The following DPYD variants were observed in gnomAD, a reference collection of about 807,000 sequenced individuals.
DPYD encodes the protein dihydropyrimidine dehydrogenase.
DPYD carries 109 observed loss-of-function variants against 116.2 expected under a neutral mutation model. That is an observed-to-expected ratio of 0.94 (90% CI 0.80 to 1.10). DPYD has a LOEUF of 1.10. Ranked by LOEUF, DPYD falls within the 50% of genes least tolerant of loss-of-function variation. The pLI is 0.00. For synonymous variants in DPYD, 440 were observed against 432.0 expected, an observed-to-expected ratio of 1.02 and a Z score of -0.23; for missense variants, 1,302 against 1,254.5, an observed-to-expected ratio of 1.04 and a Z score of -0.57.
At chr1:97,416,261 T>G (rs1362756799) in intron 14 of DPYD, among the ~76,000 whole-genome samples, 2 of 152,204 alleles carry the variant, frequency 1.3e-5, no homozygotes, top group Non-Finnish European at 2.9e-5. Flanking sequence ...CAACAAGGAA[T>G]AAATTCACAT....
At chr1:97,318,890 A>C (rs1260584423) in intron 16 of DPYD, among the ~76,000 whole-genome samples, 48 of 149,068 alleles carry the variant, frequency 3.2e-4, no homozygotes, top group Non-Finnish European at 4.0e-4. Flanking sequence ...TCTCTCAGAC[A>C]ACAGTGCAAT....
intron 12 of DPYD, among the ~76,000 whole-genome samples, chr1:97,549,077 T>G (rs570860667): frequency 7.4e-4 from 112 of 152,112 alleles, no homozygotes; most frequent in African/African-American, 2.6e-3. Flanking sequence ...TCTTATTTTT[T>G]TTTTTTGAGA....
intron 8 of DPYD, among the ~76,000 whole-genome samples, chr1:97,633,011 T>A (rs1229653873): frequency 6.6e-6 from 1 of 152,184 alleles, no homozygotes; most frequent in African/African-American, 2.4e-5. Context: ...ACAAAAAAAA[T>A]GGGGCATACT....
At chr1:97,759,152 T>A (rs1571312048) in intron 3 of DPYD, among the ~76,000 whole-genome samples, 1 of 152,174 alleles carries the variant, frequency 6.6e-6, no homozygotes, top group South Asian at 2.1e-4. Context: ...TTTTGCTTAC[T>A]TGCTGCCCAG....
intron 21 of DPYD, among the ~76,000 whole-genome samples, chr1:97,097,007 T>C (rs1570447963): frequency 6.6e-6 from 1 of 152,130 alleles, no homozygotes; most frequent in South Asian, 2.1e-4. Flanking sequence ...CTCCAAATCA[T>C]ATAGTAGTCA....
chr1:97,884,877 AT>A (rs1227136241), intron 1 of DPYD, among the ~76,000 whole-genome samples: 3 of 152,036 alleles, frequency 2.0e-5, no homozygotes, highest in Non-Finnish European at 4.4e-5. Context: ...CATAAATATA[AT>A]TTTTAATTCC....
intron 6 of DPYD, among the ~76,000 whole-genome samples, chr1:97,694,597 T>C (rs545465366): frequency 6.6e-6 from 1 of 152,256 alleles, no homozygotes; most frequent in African/African-American, 2.4e-5. Context: ...GGTTCTTGCA[T>C]CCCAACACTG....
intron 3 of DPYD, among the ~76,000 whole-genome samples, chr1:97,788,263 A>G (rs1416813047): frequency 6.6e-6 from 1 of 152,164 alleles, no homozygotes; most frequent in African/African-American, 2.4e-5. Flanking sequence ...GGCAGAAGTG[A>G]TGCTGCACCA....
chr1:97,283,130 G>C (rs1665435271), intron 18 of DPYD, among the ~76,000 whole-genome samples: 1 of 151,880 alleles, frequency 6.6e-6, no homozygotes, highest in South Asian at 2.1e-4. Context: ...TAAAATTTTA[G>C]TCTACTATTT....
intron 20 of DPYD, among the ~76,000 whole-genome samples, chr1:97,112,850 A>G (rs1651702581): frequency 6.6e-6 from 1 of 152,196 alleles, no homozygotes; most frequent in Non-Finnish European, 1.5e-5. Flanking sequence ...AACTTAGAGC[A>G]TTTAAACAAA....
At chr1:97,549,945 C>T (rs1284461196) in intron 11 of DPYD, among the ~76,000 whole-genome samples, 11 of 152,170 alleles carry the variant, frequency 7.2e-5, no homozygotes. Flanking sequence ...TAACTTTACA[C>T]CTCACATACA....
chr1:97,842,816 G>T (rs1670102522), intron 2 of DPYD, among the ~76,000 whole-genome samples: 1 of 151,978 alleles, frequency 6.6e-6, no homozygotes, highest in Non-Finnish European at 1.5e-5. Flanking sequence ...TTGTTTAAAA[G>T]ATCTCTAAAA....
chr1:97,584,737 G>A (rs1356853093), intron 10 of DPYD, among the ~76,000 whole-genome samples: 1 of 144,006 alleles, frequency 6.9e-6, no homozygotes, highest in African/African-American at 2.6e-5. Context: ...TTCATAGGTG[G>A]GAATTGAACA....
At chr1:97,134,362 A>G (rs911943104) in intron 20 of DPYD, among the ~76,000 whole-genome samples, 2 of 152,044 alleles carry the variant, frequency 1.3e-5, no homozygotes, top group African/African-American at 2.4e-5. Context: ...GTATTCTCAC[A>G]TCGTATGTAT....
intron 14 of DPYD, among the ~76,000 whole-genome samples, chr1:97,433,029 C>G (rs915392088): frequency 6.6e-6 from 1 of 152,154 alleles, no homozygotes; most frequent in Admixed American, 6.6e-5. Context: ...TCTCTCTGCT[C>G]TCTAGTTTCA....
rs1019311639 is a variant in DPYD at position 97,586,718 on chromosome 1, T to C, written c.1128+6500A>G. On this transcript the variant is annotated intron_variant, in intron 10 of 22. Transcript: ENST00000370192. ...GGCCTATTTGCAGTCTTCTTTTTTT[T>C]CCACTCACCATCTGAATTATCACAT... 4.6e-5 allele frequency among the ~76,000 whole-genome samples: 7 copies of C among 151,720 alleles called. No homozygotes were observed. The East Asian group carries it at 1.4e-3, about 29-fold the overall frequency.
chr1:97,903,017 T>C (rs1293066250), intron 1 of DPYD, among the ~76,000 whole-genome samples: 1 of 151,866 alleles, frequency 6.6e-6, no homozygotes, highest in African/African-American at 2.4e-5. Flanking sequence ...TGCATCGTAA[T>C]TAAGGTTACT....
At chr1:97,109,769 C>T (rs1002596220) in intron 20 of DPYD, among the ~76,000 whole-genome samples, 5 of 151,998 alleles carry the variant, frequency 3.3e-5, no homozygotes, top group African/African-American at 1.2e-4. Flanking sequence ...AAATGATCAT[C>T]ATTTTGAAAG....
chr1:97,201,735 T>C (rs1480015408), intron 19 of DPYD, among the ~76,000 whole-genome samples: 1 of 152,136 alleles, frequency 6.6e-6, no homozygotes, highest in Non-Finnish European at 1.5e-5. Context: ...ATATATTGCA[T>C]TTAGCAGTAA....
Sources: gnomAD v4.1 joint callset for allele counts (sites outside exome capture counted in the v4.1 genomes callset) on GRCh38, gnomAD v4.1.1 for gene constraint, MANE v1.5 for transcripts, NCBI Gene and HGNC (gene_info 2026-07-23, HGNC 2026-07-21) for gene names.